Variants in PROM1 observed in about 807,000 individuals in gnomAD.
PROM1 encodes the protein prominin-1.
PROM1 carries 105 observed loss-of-function variants against 116.9 expected under a neutral mutation model. That is an observed-to-expected ratio of 0.90 (90% CI 0.77 to 1.06). The LOEUF (loss-of-function observed/expected upper bound fraction) is 1.06. Among genes scored for constraint, PROM1 ranks in the 50% least tolerant of loss-of-function variants. The probability of loss-of-function intolerance (pLI) is 0.00; values close to 1 mark genes in which losing one functional copy is unlikely to be tolerated. For synonymous variants in PROM1, 393 were observed against 387.0 expected (o/e 1.02, Z -0.18); for missense variants, 1,122 against 1,045.2 (o/e 1.07, Z -1.01).
intron 14 of PROM1, 53 bp downstream of exon 14, chr4:16,000,442 GA>G: frequency 6.8e-7 from 1 of 1,463,718 alleles, no homozygotes; most frequent in Non-Finnish European, 9.3e-7. Context: ...AATATATGAA[GA>G]AATCCAAGTT....
At chr4:16,062,985 T>A (rs1740683915) in intron 2 of PROM1, among the ~76,000 whole-genome samples, 1 of 152,212 alleles carries the variant, frequency 6.6e-6, no homozygotes, top group South Asian at 2.1e-4. Flanking sequence ...GGGCCCATTA[T>A]GAATGAATAA....
In PROM1 at chr4:15,981,024, C is replaced by T. The variant is rs544330595; in HGVS notation, c.2374-487G>A. 1.1e-4 allele frequency among the ~76,000 whole-genome samples: 16 copies of T among 151,380 alleles called. No individual in the cohort carries two copies. In the East Asian group the frequency reaches 2.0e-3, roughly 19 times the overall value. On this transcript the variant is annotated intron_variant, in intron 23 of 27. Coordinates refer to ENST00000447510, the MANE Select transcript of PROM1 (RefSeq NM_006017.3). ...TCGCCCAGGCTAGAGTGCAGTGGTG[C>T]GATCTCGGCTCACTGCAAGCTCCGC...
chr4:16,008,428 C>A (rs1419736439), intron 12 of PROM1, among the ~76,000 whole-genome samples: 1 of 152,168 alleles, frequency 6.6e-6, no homozygotes, highest in African/African-American at 2.4e-5. Context: ...CAAGGCACAG[C>A]TAAGAAAAGA....
chr4:16,040,683 C>T (rs983458152), intron 2 of PROM1, among the ~76,000 whole-genome samples: 1 of 152,150 alleles, frequency 6.6e-6, no homozygotes, highest in Non-Finnish European at 1.5e-5. Flanking sequence ...ATAAGACGTC[C>T]CTACTCTCAA....
chr4:15,973,196 C>CA (rs1281850603), intron 26 of PROM1, among the ~76,000 whole-genome samples: 1 of 152,194 alleles, frequency 6.6e-6, no homozygotes, highest in Non-Finnish European at 1.5e-5. Flanking sequence ...CGCAGTGGCT[C>CA]ATGCCTGTAA....
intron 2 of PROM1, chr4:16,055,425 C>T (rs1738780660): frequency 8.8e-6 from 4 of 456,124 alleles, no homozygotes; most frequent in Non-Finnish European, 1.8e-5. Flanking sequence ...GCAGGCTTCT[C>T]CTATCTGGGC....
intron 9 of PROM1, 111 bp downstream of exon 9, chr4:16,018,211 TA>T: frequency 1.0e-6 from 1 of 971,426 alleles, no homozygotes; most frequent in Admixed American, 2.1e-5. Flanking sequence ...GGCCAGGGGC[TA>T]ACTGTTCTCC....
intron 26 of PROM1, among the ~76,000 whole-genome samples, chr4:15,977,231 A>C (rs1338784919): frequency 6.6e-6 from 1 of 151,964 alleles, no homozygotes; most frequent in Non-Finnish European, 1.5e-5. Flanking sequence ...AGCCTGGATG[A>C]CTCTTCTTAG....
At chr4:16,006,774 G>A (rs577565487) in intron 12 of PROM1, 84 bp from the exon 13 acceptor site, 119 of 1,365,536 alleles carry the variant, frequency 8.7e-5, no homozygotes, top group Non-Finnish European at 9.8e-5. Context: ...GGCTGGAGCC[G>A]ATGAGTTATT....
chr4:16,025,296 C>A lies in PROM1; in HGVS notation c.526G>T (p.Gly176Cys). Residue 176 changes from glycine (G) to cysteine (C), a missense_variant, in exon 6 of 28, where the codon GGT becomes TGT. Gly to Cys is a radical substitution (Grantham distance 159, BLOSUM62 -3). Coordinates refer to ENST00000447510, the MANE Select transcript of PROM1 (RefSeq NM_006017.3). ...CTTACCTGGTGATTTGCCACAAAAC[C>A]ATAGAAGATGCCAATGCTGCAGGAA... ...CIIISIGIFY[G>C]FVANHQVRTR... 6.2e-7 allele frequency: 1 copy of A among 1,613,920 alleles called. No homozygotes were observed. The highest frequency in any genetic ancestry group is 8.5e-7 in the Non-Finnish European group (1 of 1,179,810).
chr4:16,013,590 T>C (rs1307589114), intron 10 of PROM1, among the ~76,000 whole-genome samples: 1 of 152,180 alleles, frequency 6.6e-6, no homozygotes, highest in African/African-American at 2.4e-5. Flanking sequence ...AATTTTAAAA[T>C]CAACATATTT....
intron 17 of PROM1, 97 bp downstream of exon 17, chr4:15,992,151 G>A (rs1403116956): frequency 1.3e-6 from 2 of 1,485,784 alleles, no homozygotes; most frequent in Non-Finnish European, 1.9e-6. Flanking sequence ...TACATCATGT[G>A]AATCTCATCT....
intron 2 of PROM1, among the ~76,000 whole-genome samples, chr4:16,073,283 C>T (rs1389241482): frequency 1.3e-5 from 2 of 152,162 alleles, no homozygotes; most frequent in Non-Finnish European, 2.9e-5. Context: ...GGTTAATGTA[C>T]TAAGGTATTA....
At chr4:16,013,363 G>GAT (rs1727418968) in intron 10 of PROM1, 25 bp from the exon 11 acceptor site, 2 of 1,535,066 alleles carry the variant, frequency 1.3e-6, no homozygotes, top group Non-Finnish European at 1.8e-6. Context: ...AAAATAAAAG[G>GAT]ATGTACACAG....
At chr4:15,973,025 C>T (rs1715009779) in intron 26 of PROM1, among the ~76,000 whole-genome samples, 1 of 152,186 alleles carries the variant, frequency 6.6e-6, no homozygotes, top group African/African-American at 2.4e-5. Context: ...AGGGAAGGGG[C>T]TCCAAGCACC....
chr4:16,039,026 A>G, intron 2 of PROM1, 25 bp from the exon 3 acceptor site: 1 of 1,457,922 alleles, frequency 6.9e-7, no homozygotes, highest in African/African-American at 1.5e-5. Context: ...ACAAAATAGC[A>G]ATATTATTTT....
chr4:15,993,905 C>T (rs1398253238), intron 16 of PROM1, 82 bp downstream of exon 16: 31 of 1,550,260 alleles, frequency 2.0e-5, no homozygotes, highest in Non-Finnish European at 2.6e-5. Context: ...CAAATTTCAT[C>T]TCAATTTCCA....
At chr4:15,997,060 G>A (rs1722493721) in intron 15 of PROM1, among the ~76,000 whole-genome samples, 1 of 151,784 alleles carries the variant, frequency 6.6e-6, no homozygotes, top group Non-Finnish European at 1.5e-5. Flanking sequence ...TACTCTTAAA[G>A]TGACTCCCTT....
intron 5 of PROM1, among the ~76,000 whole-genome samples, chr4:16,029,860 C>T (rs371356839): frequency 6.6e-6 from 1 of 152,116 alleles, no homozygotes; most frequent in Non-Finnish European, 1.5e-5. Context: ...GTCCCATCTC[C>T]GCTGAAGTCA....
Sources: allele counts gnomAD v4.1 joint callset (sites outside exome capture counted in the v4.1 genomes callset), GRCh38; gene constraint gnomAD v4.1.1; transcripts MANE v1.5; gene names NCBI Gene and HGNC (gene_info 2026-07-23, HGNC 2026-07-21).